The following LRP1-AS variants were observed in gnomAD, a reference collection of about 807,000 sequenced individuals.
The protein encoded by LRP1-AS is LRP1 antisense RNA.
intron 1 of LRP1-AS, among the ~76,000 whole-genome samples, chr12:57,145,677 T>C (rs1200185808): frequency 6.6e-6 from 1 of 152,118 alleles, no homozygotes; most frequent in Non-Finnish European, 1.5e-5. Flanking sequence ...CCCTCCCAGC[T>C]CTCTGAGCAA....
chr12:57,145,567 G>A (rs1384274500), intron 1 of LRP1-AS: 11 of 1,543,824 alleles, frequency 7.1e-6, no homozygotes, highest in East Asian at 2.2e-5. Context: ...CTTGAACAGA[G>A]GCCGGGAGTT....
exon 2 of LRP1-AS, chr12:57,144,677 A>G (rs1279553988): frequency 2.3e-6 from 1 of 427,612 alleles, no homozygotes; most frequent in Non-Finnish European, 4.3e-6. Flanking sequence ...GAGGACAGCA[A>G]TGTGGGTCTA....
chr12:57,145,518 G>A (rs1400052893), intron 1 of LRP1-AS: 1 of 1,607,248 alleles, frequency 6.2e-7, no homozygotes, highest in Non-Finnish European at 8.5e-7. Flanking sequence ...AGCTTGGAGG[G>A]CTGGGGAGGG....
chr12:57,145,584 G>A, intron 1 of LRP1-AS: 6 of 1,490,510 alleles, frequency 4.0e-6, no homozygotes, highest in South Asian at 3.7e-5. Context: ...AGTTACACAG[G>A]ATGGTCCTGT....
intron 1 of LRP1-AS, chr12:57,145,321 T>C (rs762878771): frequency 1.9e-6 from 3 of 1,614,092 alleles, no homozygotes; most frequent in Non-Finnish European, 2.5e-6. Context: ...CCATCACACC[T>C]ACGAGCACGC....
chr12:57,147,390 GC>G (rs2035433101), intron 1 of LRP1-AS: 1 of 152,518 alleles, frequency 6.6e-6, no homozygotes, highest in Admixed American at 6.5e-5. Flanking sequence ...CCCAGGAGAT[GC>G]TGACTGGCCT....
intron 1 of LRP1-AS, chr12:57,145,201 C>T (rs780076943): frequency 2.5e-5 from 41 of 1,613,684 alleles, no homozygotes; most frequent in East Asian, 1.3e-4. Flanking sequence ...CCTGGCTGCA[C>T]GGACTCTTCT....
At chr12:57,146,168 C>T (rs567916545) in intron 1 of LRP1-AS, among the ~76,000 whole-genome samples, 4 of 152,004 alleles carry the variant, frequency 2.6e-5, no homozygotes, top group Non-Finnish European at 5.9e-5. Context: ...TGGGTGTAGA[C>T]CCACTGCCGG....
At chr12:57,147,023 C>T (rs1241324284) in intron 1 of LRP1-AS, among the ~76,000 whole-genome samples, 1 of 152,064 alleles carries the variant, frequency 6.6e-6, no homozygotes, top group Admixed American at 6.5e-5. Flanking sequence ...TCTACTCTGG[C>T]CTCATCTCCT....
chr12:57,147,500 G>C (rs2035436702), exon 1 of LRP1-AS: 1 of 152,304 alleles, frequency 6.6e-6, no homozygotes, highest in African/African-American at 2.4e-5. Context: ...AAAGGCTGCA[G>C]CTTTCCCCTG....
At chr12:57,147,199 C>T (rs1040193629) in intron 1 of LRP1-AS, among the ~76,000 whole-genome samples, 1 of 151,610 alleles carries the variant, frequency 6.6e-6, no homozygotes, top group Non-Finnish European at 1.5e-5. Flanking sequence ...TTTCTCTCAT[C>T]CCAGCTTCTG....
chr12:57,146,908 T>C (rs1235638592), intron 1 of LRP1-AS, among the ~76,000 whole-genome samples: 2 of 152,040 alleles, frequency 1.3e-5, no homozygotes, highest in Non-Finnish European at 2.9e-5. Context: ...AACAGGCCTG[T>C]CTGGGCAGAC....
chr12:57,145,146 A>G (rs2035376900), intron 1 of LRP1-AS: 7 of 1,613,446 alleles, frequency 4.3e-6, no homozygotes, highest in South Asian at 1.1e-5. Context: ...AGCCCCCTCA[A>G]TGCTGTTCCC....
At position 57,145,424 on chromosome 12, in the gene LRP1-AS, G is replaced by T. The variant is rs1244536166; in HGVS notation, n.182-341C>A. 4 of 1,614,152 alleles carry T rather than the reference G, an allele frequency of 2.5e-6. No homozygotes were observed. In the Admixed American group the frequency reaches 6.7e-5, roughly 27 times the overall value. ...TGCTGCTCAGACGCAGCTCAAGTGT[G>T]CCCGCATGCCTGGCCTAAAGGGCTT... On this transcript the variant is annotated intron_variant and non_coding_transcript_variant, in intron 1 of 1. Transcript: ENST00000555461.
At chr12:57,145,204 ACTCTT>A (rs753260420) in intron 1 of LRP1-AS, 26 of 1,613,008 alleles carry the variant, frequency 1.6e-5, no homozygotes, top group Non-Finnish European at 2.0e-5. Context: ...GGCTGCACGG[ACTCTT>A]CTCTTCCCCA....
At chr12:57,147,072 C>T (rs1031892555) in intron 1 of LRP1-AS, among the ~76,000 whole-genome samples, 4 of 152,134 alleles carry the variant, frequency 2.6e-5, no homozygotes, top group African/African-American at 9.7e-5. Flanking sequence ...GTACCCCTCC[C>T]TTGGCAAACA....
In LRP1-AS at chr12:57,144,634, A is replaced by G; in HGVS notation, n.631T>C. 3 of 287,432 alleles carry G rather than the reference A, an allele frequency of 1.0e-5. No individual in the cohort carries two copies. In the South Asian group the frequency reaches 1.5e-4, roughly 14 times the overall value. 17.8% of individuals were successfully genotyped at this position (287,432 alleles called of 1,614,324 possible). On this transcript the variant is annotated non_coding_transcript_exon_variant, in exon 2 of 2. Coordinates refer to ENST00000555461, the Ensembl canonical transcript of LRP1-AS. ...TGTTTCATATGTTATTATAGTAACT[A>G]TATTTCATTTATTATCTGAATATAA...
intron 1 of LRP1-AS, among the ~76,000 whole-genome samples, chr12:57,146,202 G>T (rs1352842875): frequency 1.4e-5 from 2 of 138,876 alleles, no homozygotes; most frequent in Admixed American, 1.5e-4. Flanking sequence ...CATCTCAGAG[G>T]CTGTTACACC....
chr12:57,145,617 C>A, intron 1 of LRP1-AS: 1 of 1,241,982 alleles, frequency 8.1e-7, no homozygotes, highest in Non-Finnish European at 1.1e-6. Context: ...AAGCAGGAGG[C>A]TGGATACAAT....
Sources: gnomAD v4.1 joint callset for allele counts (sites outside exome capture counted in the v4.1 genomes callset) on GRCh38, gnomAD v4.1.1 for gene constraint, MANE v1.5 for transcripts, NCBI Gene and HGNC (gene_info 2026-07-23, HGNC 2026-07-21) for gene names.